Variants in KCNK9 observed in about 807,000 individuals in gnomAD.
KCNK9 encodes potassium channel subfamily K member 9.
Under a neutral mutation model 10.8 loss-of-function variants are expected in KCNK9, and 1 was observed. That is an observed-to-expected ratio of 0.09 (90% confidence interval 0.03 to 0.44). The LOEUF (loss-of-function observed/expected upper bound fraction) is 0.44, where lower values mean the gene tolerates loss of function less well. Ranked by LOEUF, KCNK9 falls within the 20% of genes least tolerant of loss-of-function variation. The probability of loss-of-function intolerance (pLI) is 0.97; values close to 1 mark genes in which losing one functional copy is unlikely to be tolerated. For missense variants in KCNK9, 303 were observed against 515.0 expected, an observed-to-expected ratio of 0.59 and a Z score of 3.98; for synonymous variants, 231 against 222.7, an observed-to-expected ratio of 1.04 and a Z score of -0.33.
intron 1 of KCNK9, 67 bp from the exon 2 acceptor site, chr8:139,619,166 A>T (rs566365969): frequency 6.3e-7 from 1 of 1,581,410 alleles, no homozygotes; most frequent in South Asian, 1.1e-5. Context: ...GGGGGAAGGG[A>T]GGGTCGACTT....
intron 1 of KCNK9, among the ~76,000 whole-genome samples, chr8:139,695,377 T>C (rs1475517913): frequency 6.6e-6 from 1 of 152,190 alleles, no homozygotes; most frequent in East Asian, 1.9e-4. Flanking sequence ...AGGAACTGGC[T>C]ACAAAGGGCA....
At chr8:139,664,048 C>G (rs1482274984) in intron 1 of KCNK9, among the ~76,000 whole-genome samples, 2 of 152,162 alleles carry the variant, frequency 1.3e-5, no homozygotes, top group Admixed American at 6.5e-5. Context: ...GAAACGGGAG[C>G]AGGGACCGAT....
At chr8:139,655,603 C>G (rs1816002262) in intron 1 of KCNK9, among the ~76,000 whole-genome samples, 2 of 152,186 alleles carry the variant, frequency 1.3e-5, no homozygotes, top group South Asian at 4.1e-4. Flanking sequence ...CCACAGCCAC[C>G]CTGTGAGAAA....
rs1814623663 is a variant in KCNK9 at position 139,617,155 on chromosome 8, TG to T, written c.*1102del. 1 of 152,224 alleles carries T rather than the reference TG, an allele frequency of 6.6e-6. No homozygotes were observed. Among genetic ancestry groups the T allele is most frequent in the African/African-American group, 2.4e-5 (1 of 41,456 alleles). 9.4% of individuals were successfully genotyped at this position (152,224 alleles called of 1,614,324 possible). A position where few individuals can be genotyped will look rare whatever the true frequency, so the allele number is the denominator to read the frequency against. ...ATAGATATGTATTTTTAATGAGGAA[TG>T]CCCTGTCAATTTTCATGAGGAAAAG... On this transcript the variant is annotated 3_prime_UTR_variant, in exon 2 of 2. Transcript: ENST00000520439.
intron 1 of KCNK9, among the ~76,000 whole-genome samples, chr8:139,640,464 G>A (rs1001510270): frequency 6.6e-6 from 1 of 152,198 alleles, no homozygotes; most frequent in Non-Finnish European, 1.5e-5. Context: ...AACAGCCCTG[G>A]GGTCCTCCCC....
Position 139,702,678 on chromosome 8 carries a change from C to G in KCNK9, c.283+32G>C, listed in dbSNP as rs1817258108. On this transcript the variant is annotated intron_variant, in intron 1 of 1. Coordinates refer to ENST00000520439, the MANE Select transcript of KCNK9 (RefSeq NM_001282534.2). The surrounding 1 kb of genome is among the most constrained non-coding windows in gnomAD (Gnocchi z 7.5). ...CCGCCTCCCCGGACTCCTCCCGGGG[C>G]GCGGGAGCCCAGCGGCGCGCCCAGC... The G allele has an allele frequency of 6.3e-7, 1 of 1,582,968 alleles. No individual in the cohort carries two copies. The highest frequency in any genetic ancestry group is 8.6e-7 in the Non-Finnish European group (1 of 1,169,520).
At chr8:139,677,737 T>C (rs7829890) in intron 1 of KCNK9, among the ~76,000 whole-genome samples, 1,490 of 48,530 alleles carry the variant, frequency 0.031, 38 homozygotes, top group African/African-American at 0.098. Context: ...AACGGGTCCC[T>C]ACAGCTTCAG....
intron 1 of KCNK9, among the ~76,000 whole-genome samples, chr8:139,622,045 C>G (rs541220827): frequency 6.6e-6 from 1 of 152,332 alleles, no homozygotes; most frequent in East Asian, 1.9e-4. Flanking sequence ...CAGCAGTACA[C>G]TGGTATGTCC....
At position 139,648,688 on chromosome 8, in the gene KCNK9, C is replaced by T. The variant is rs115349577; in HGVS notation, c.284-29589G>A. Among the ~76,000 whole-genome samples, 891 of 152,356 alleles carry T rather than the reference C, an allele frequency of 5.8e-3. 9 individuals carry two copies. The highest frequency in any genetic ancestry group is 0.02 in the African/African-American group (851 of 41,584). ...GGGATTAACCAGTAGCAAATTCTTC[C>T]CCAGCTGACAGATGGGTAAGGACGC... is the stretch of plus-strand genomic sequence containing the variant. On this transcript the variant is annotated intron_variant, in intron 1 of 1. Transcript: ENST00000520439.
intron 1 of KCNK9, among the ~76,000 whole-genome samples, chr8:139,645,517 A>G (rs2615380): frequency 0.98 from 149,371 of 152,268 alleles, 73,328 homozygotes; most frequent in Non-Finnish European, 1. Context: ...TGAGGCCGGT[A>G]CCACCTCCCC....
Position 139,631,114 on chromosome 8 carries a change from C to T in KCNK9, c.284-12015G>A, listed in dbSNP as rs181558842. On this transcript the variant is annotated intron_variant, in intron 1 of 1. Transcript: ENST00000520439. ...GTGCGGGGTCGGCCGCCCACGTTTT[C>T]CGGTGACTGCGTCCAGAACGCAGGA... Among the ~76,000 whole-genome samples, 368 of 152,340 alleles carry T rather than the reference C, an allele frequency of 2.4e-3. 1 individual carries two copies. Among genetic ancestry groups the T allele is most frequent in the African/African-American group, 8.5e-3 (353 of 41,588 alleles).
chr8:139,608,700 A>T (rs761009702), downstream of KCNK9, among the ~76,000 whole-genome samples: 20 of 152,228 alleles, frequency 1.3e-4, no homozygotes, highest in Non-Finnish European at 2.5e-4. Context: ...CGCCGTACCC[A>T]GCTCAGGTCC....
chr8:139,614,170 T>G (rs1814511982), downstream of KCNK9, among the ~76,000 whole-genome samples: 1 of 152,186 alleles, frequency 6.6e-6, no homozygotes, highest in Non-Finnish European at 1.5e-5. Flanking sequence ...ACCCATTGGC[T>G]TCCAGATATG....
downstream of KCNK9, among the ~76,000 whole-genome samples, chr8:139,610,093 C>T (rs965243759): frequency 6.6e-6 from 1 of 152,178 alleles, no homozygotes; most frequent in African/African-American, 2.4e-5. Context: ...CCTCCACCAC[C>T]CAGAGGCCTC....
intron 1 of KCNK9, among the ~76,000 whole-genome samples, chr8:139,692,603 G>A (rs535454658): frequency 1.3e-4 from 20 of 152,294 alleles, no homozygotes; most frequent in Admixed American, 3.9e-4. Context: ...CAGCACTTGG[G>A]TGCTGTCAAA....
intron 1 of KCNK9, among the ~76,000 whole-genome samples, chr8:139,659,387 A>G (rs547930004): frequency 6.6e-6 from 1 of 152,210 alleles, no homozygotes; most frequent in Admixed American, 6.5e-5. Flanking sequence ...TTTGCCTCAG[A>G]CACATTGATT....
intron 1 of KCNK9, among the ~76,000 whole-genome samples, chr8:139,647,228 A>C (rs1377061788): frequency 6.6e-6 from 1 of 152,186 alleles, no homozygotes; most frequent in South Asian, 2.1e-4. Context: ...AGGGTAGAGA[A>C]GCTCTGAAGG....
chr8:139,698,236 G>T (rs546447778), intron 1 of KCNK9, among the ~76,000 whole-genome samples: 2 of 152,268 alleles, frequency 1.3e-5, no homozygotes, highest in African/African-American at 4.8e-5. Context: ...GGGGAGGTGA[G>T]TGCATGCGTG....
rs151238884 is a variant in KCNK9, at chr8:139,618,410, G to T, written c.973C>A (p.His325Asn). ...QNSFSAKLAPHYFHSISYKIE... is the reference protein window; with the variant it reads ...QNSFSAKLAPNYFHSISYKIE... ...TTGTAAGAGATGGAGTGGAAGTAGT[G>T]GGGGGCAAGCTTGGCGCTGAAGGAG... is the stretch of plus-strand genomic sequence containing the variant. Residue 325 changes from histidine to asparagine, a missense_variant, in exon 2 of 2, where the codon CAC (histidine) becomes AAC (asparagine). His to Asn is a moderately conservative substitution (Grantham distance 68). Around this residue, in one of 5 missense-constraint regions of KCNK9, gnomAD observed 138 missense variants for 161.1 expected, o/e 0.86. Coordinates refer to ENST00000520439, the MANE Select transcript of KCNK9 (RefSeq NM_001282534.2). This position sits in a 1 kb window ranked among gnomAD's most constrained non-coding sequence, Gnocchi z 7.9. 3.7e-6 allele frequency: 6 copies of T among 1,614,072 alleles called. No individual in the cohort carries two copies. Among genetic ancestry groups the T allele is most frequent in the South Asian group, 2.2e-5 (2 of 91,082 alleles).
Sources: gnomAD v4.1 joint callset for allele counts (sites outside exome capture counted in the v4.1 genomes callset) on GRCh38, gnomAD v4.1.1 for gene constraint, gnomAD v4.1.1 regional missense constraint, Gnocchi (gnomAD v3.1) non-coding constraint, MANE v1.5 for transcripts, NCBI Gene and HGNC (gene_info 2026-07-23, HGNC 2026-07-21) for gene names.